ZDHHC9: variants seen among roughly 807,000 people sequenced by gnomAD.
ZDHHC9 encodes the protein zDHHC palmitoyltransferase 9, also known as palmitoyltransferase ZDHHC9.
ZDHHC9 carries 3 observed loss-of-function variants against 26.6 expected under a neutral mutation model. That is an observed-to-expected ratio of 0.11 (90% CI 0.05 to 0.29). The LOEUF (loss-of-function observed/expected upper bound fraction) is 0.29, where lower values mean the gene tolerates loss of function less well. Among genes scored for constraint, ZDHHC9 ranks in the 10% least tolerant of loss-of-function variants. The pLI, the probability that ZDHHC9 is intolerant of heterozygous loss-of-function variation, is 1.00. For synonymous variants in ZDHHC9, 111 were observed against 109.4 expected (o/e 1.01, Z -0.09); for missense variants, 146 against 296.4 (o/e 0.49, Z 3.73).
At chrX:129,825,999 C>T (rs754476447) in intron 4 of ZDHHC9, among the ~76,000 whole-genome samples, 2 of 111,865 alleles carry the variant, frequency 1.8e-5, no homozygotes, top group African/African-American at 3.2e-5. Context: ...CCTGCCCATC[C>T]GCAGCATATG....
chrX:129,839,167 C>A (rs1928323613), intron 3 of ZDHHC9, among the ~76,000 whole-genome samples: 1 of 110,932 alleles, frequency 9.0e-6, no homozygotes, highest in South Asian at 3.8e-4. Flanking sequence ...CAGACACCCT[C>A]ACCTGCCTGA....
In ZDHHC9 at chrX:129,805,296, T is replaced by C. The variant is rs1927488100; in HGVS notation, c.*1074A>G. 9.0e-6 allele frequency: 1 copy of C among 110,582 alleles called. No homozygotes were observed. The highest frequency in any genetic ancestry group is 1.9e-5 in the Non-Finnish European group (1 of 52,876). The allele number at this position is 110,582 out of a possible 1,213,427, so 9.1% of individuals were successfully genotyped here. On this transcript the variant is annotated 3_prime_UTR_variant, in exon 11 of 11. Coordinates refer to ENST00000357166, the MANE Select transcript of ZDHHC9 (RefSeq NM_016032.4). ...GCAGCAGTGCTGGGCTTTCCCTCAC[T>C]CAGCCGAGGCTTAATGGAAGAACTG...
At chrX:129,813,331 G>C (rs183821914) in intron 7 of ZDHHC9, among the ~76,000 whole-genome samples, 44 of 111,426 alleles carry the variant, frequency 3.9e-4, no homozygotes, top group Non-Finnish European at 7.9e-4. Flanking sequence ...CCCAGGAGGC[G>C]AGCTGGGGCA....
Position 129,813,260 on chromosome X carries a change from G to A in ZDHHC9, c.674+417C>T, listed in dbSNP as rs937808966. Reference sequence around the variant, plus strand: ...TAAAAATACAAAAAATTAGCTGGGCGTGGTGGCGGGCATCTGTAGTCCAAG... The same window carrying A: ...TAAAAATACAAAAAATTAGCTGGGCATGGTGGCGGGCATCTGTAGTCCAAG... On this transcript the variant is annotated intron_variant, in intron 7 of 10. Coordinates refer to ENST00000357166, the MANE Select transcript of ZDHHC9 (RefSeq NM_016032.4). 7.1e-5 allele frequency among the ~76,000 whole-genome samples: 8 copies of A among 112,223 alleles called. No homozygotes were observed. The South Asian group carries it at 1.1e-3, about 16-fold the overall frequency.
chrX:129,842,549 TAG>T (rs1158664118), intron 2 of ZDHHC9, among the ~76,000 whole-genome samples: 6 of 112,585 alleles, frequency 5.3e-5, no homozygotes, highest in Non-Finnish European at 1.1e-4. Flanking sequence ...AAAATAATAG[TAG>T]AGTTTCTGTC....
intron 10 of ZDHHC9, among the ~76,000 whole-genome samples, chrX:129,807,215 G>C (rs1297735890): frequency 9.0e-6 from 1 of 110,669 alleles, no homozygotes; most frequent in Non-Finnish European, 1.9e-5. Flanking sequence ...GGGAGGCCGA[G>C]GCGGGTGGAT....
rs749593243 is a variant in ZDHHC9 at position 129,819,637 on chromosome X, G to A, written c.487+4042C>T. On this transcript the variant is annotated intron_variant, in intron 5 of 10. Coordinates refer to ENST00000357166, the MANE Select transcript of ZDHHC9 (RefSeq NM_016032.4). ...GTAAATGTAGCCTATCTCCCATTTT[G>A]TCATTTAGCTTTCTGGTATGAACTC... Among the ~76,000 whole-genome samples the A allele has an allele frequency of 6.3e-5, 7 of 111,367 alleles. No individual in the cohort carries two copies. In the South Asian group the frequency reaches 2.6e-3, roughly 42 times the overall value.
At chrX:129,838,694 A>G (rs916944825) in intron 3 of ZDHHC9, among the ~76,000 whole-genome samples, 1 of 99,936 alleles carries the variant, frequency 1.0e-5, no homozygotes, top group African/African-American at 4.9e-5. Flanking sequence ...ATAAAAAATA[A>G]TTAAAAAAAA....
chrX:129,811,631 C>T (rs1927643549), intron 8 of ZDHHC9, 122 bp from the exon 9 acceptor site: 1 of 575,015 alleles, frequency 1.7e-6, no homozygotes. Context: ...GAAACACATG[C>T]AGCATGGGAT....
chrX:129,842,836 C>T (rs1771609), intron 2 of ZDHHC9, among the ~76,000 whole-genome samples: 13,494 of 112,299 alleles, frequency 0.12, 1,447 homozygotes, highest in East Asian at 0.38. Flanking sequence ...AGGTGAAAGG[C>T]TGACTTAAGC....
At position 129,823,740 on chromosome X, in the gene ZDHHC9, G is replaced by A; in HGVS notation, c.426C>T (p.Tyr142=). Residue 142 remains tyrosine (Y), a synonymous_variant, in exon 5 of 11, where the codon TAC becomes TAT. Coordinates refer to ENST00000357166, the MANE Select transcript of ZDHHC9 (RefSeq NM_016032.4). The part of the protein sequence containing the change: ...NNQIVKLKYC[Y]TCKIFRPPRA... ...GGGGAGGCCGGAAGATCTTGCATGT[G>A]TAACAGTATTTCAGTTTCACAATCT... 2 of 1,212,365 alleles carry A rather than the reference G, an allele frequency of 1.6e-6. No individual in the cohort carries two copies. Among genetic ancestry groups the A allele is most frequent in the Non-Finnish European group, 2.2e-6 (2 of 895,567 alleles).
chrX:129,814,588 C>G, intron 6 of ZDHHC9, 70 bp downstream of exon 6: 1 of 1,197,313 alleles, frequency 8.4e-7, no homozygotes, highest in Non-Finnish European at 1.1e-6. Flanking sequence ...CCCAACAACC[C>G]TCTAAGCTGC....
intron 4 of ZDHHC9, among the ~76,000 whole-genome samples, chrX:129,827,804 T>TG (rs1396592039): frequency 4.4e-3 from 152 of 34,476 alleles, no homozygotes; most frequent in African/African-American, 6.7e-3. Context: ...AAAGCAGCGT[T>TG]TTTTGTTTGT....
intron 7 of ZDHHC9, 137 bp downstream of exon 7, chrX:129,813,540 A>G (rs1927692399): frequency 1.5e-6 from 1 of 647,464 alleles, no homozygotes; most frequent in Non-Finnish European, 2.4e-6. Flanking sequence ...CACTAAGACT[A>G]TATTTTTTTA....
chrX:129,826,101 T>C (rs1485754420), intron 4 of ZDHHC9, among the ~76,000 whole-genome samples: 11 of 112,421 alleles, frequency 9.8e-5, no homozygotes, highest in Admixed American at 7.6e-4. Flanking sequence ...ATATCTGCCA[T>C]ATGGAACATT....
In ZDHHC9 at chrX:129,814,639, C is replaced by A; in HGVS notation, c.625+19G>T. ...CACCCAGCCCCACTCCAACAACGGA[C>A]ACTGCCCTGTATACTCACTGAGGGC... is the stretch of plus-strand genomic sequence containing the variant. On this transcript the variant is annotated intron_variant, in intron 6 of 10. Coordinates refer to ENST00000357166, the MANE Select transcript of ZDHHC9 (RefSeq NM_016032.4). 3 of 1,210,924 alleles carry A rather than the reference C, an allele frequency of 2.5e-6. No individual in the cohort carries two copies. The highest frequency in any genetic ancestry group is 3.4e-6 in the Non-Finnish European group (3 of 895,094).
chrX:129,809,604 A>G (rs1419090618), intron 10 of ZDHHC9, among the ~76,000 whole-genome samples: 2 of 111,750 alleles, frequency 1.8e-5, no homozygotes, highest in South Asian at 3.7e-4. Flanking sequence ...TAATGGCTAC[A>G]GGGTTTCTTA....
chrX:129,813,717 T>C lies in ZDHHC9; in HGVS notation c.634A>G (p.Lys212Glu). 1 of 1,210,096 alleles carries C rather than the reference T, an allele frequency of 8.3e-7. No individual in the cohort carries two copies. The highest frequency in any genetic ancestry group is 1.1e-6 in the Non-Finnish European group (1 of 893,905). ...TTCAATGTCTCCAAGAAGCCAATTT[T>C]CAAAGATTCTGTGAAATTGGATGGA... ...NIVYVALKSL[K>E]IGFLETLKET... Residue 212 changes from lysine (K) to glutamate (E), a missense_variant, in exon 7 of 11, where the codon AAA becomes GAA. This residue lies in a region of ZDHHC9 where 100 missense variants were observed against 250.0 expected (regional missense o/e 0.40). Transcript: ENST00000357166.
At chrX:129,837,577 A>G (rs1399175626) in intron 3 of ZDHHC9, among the ~76,000 whole-genome samples, 2 of 112,201 alleles carry the variant, frequency 1.8e-5, no homozygotes, top group Non-Finnish European at 3.8e-5. Context: ...CAATTCAATG[A>G]CTCTTCTGCC....
Sources: allele counts gnomAD v4.1 joint callset (sites outside exome capture counted in the v4.1 genomes callset), GRCh38; gene constraint gnomAD v4.1.1; regional missense constraint gnomAD v4.1.1; transcripts MANE v1.5; gene names NCBI Gene and HGNC (gene_info 2026-07-23, HGNC 2026-07-21).